Variants in C8orf34 observed in about 807,000 individuals in gnomAD.
The protein encoded by C8orf34 is uncharacterized protein C8orf34.
In C8orf34, 65 loss-of-function variants were observed where a neutral mutation model predicts 68.3. That is an observed-to-expected ratio of 0.95 (90% CI 0.78 to 1.17). The LOEUF is 1.17. C8orf34 is among the 50% of genes most tolerant of loss of function. The pLI is 0.00. For missense variants in C8orf34, 664 were observed against 655.4 expected (o/e 1.01, Z -0.14); for synonymous variants, 244 against 241.2 (o/e 1.01, Z -0.11).
At chr8:68,393,933 G>T (rs1404879985) in intron 1 of C8orf34, among the ~76,000 whole-genome samples, 3 of 152,042 alleles carry the variant, frequency 2.0e-5, no homozygotes, top group Non-Finnish European at 2.9e-5. Context: ...CTGAGACCAG[G>T]GAGTGAAAAC....
intron 10 of C8orf34, among the ~76,000 whole-genome samples, chr8:68,735,635 AC>A (rs1822102128): frequency 6.6e-6 from 1 of 152,182 alleles, no homozygotes. Context: ...CACAGTTATA[AC>A]TTTTTATACT....
At chr8:68,630,612 T>C (rs549851902) in intron 7 of C8orf34, among the ~76,000 whole-genome samples, 1 of 152,278 alleles carries the variant, frequency 6.6e-6, no homozygotes, top group African/African-American at 2.4e-5. Flanking sequence ...TATTAATTCA[T>C]TCACTGAATA....
chr8:68,508,309 A>C (rs1435238805), intron 5 of C8orf34, among the ~76,000 whole-genome samples: 5 of 152,178 alleles, frequency 3.3e-5, no homozygotes, highest in Non-Finnish European at 7.4e-5. Context: ...TGACCATTTT[A>C]CCAAACACTT....
chr8:68,398,371 T>C (rs1808806061), intron 1 of C8orf34, among the ~76,000 whole-genome samples: 1 of 152,164 alleles, frequency 6.6e-6, no homozygotes, highest in African/African-American at 2.4e-5. Context: ...ATCCCACTTT[T>C]ATTAAATATA....
intron 8 of C8orf34, among the ~76,000 whole-genome samples, chr8:68,643,059 G>A (rs557527382): frequency 2.6e-4 from 39 of 152,252 alleles, no homozygotes; most frequent in African/African-American, 8.4e-4. Context: ...GACCAGTACC[G>A]GTTCATGGCC....
intron 9 of C8orf34, among the ~76,000 whole-genome samples, chr8:68,713,697 A>G (rs1821389790): frequency 1.3e-5 from 2 of 152,184 alleles, no homozygotes; most frequent in African/African-American, 4.8e-5. Context: ...TAGGGGCCAG[A>G]TGAATCCACA....
chr8:68,451,971 G>A (rs2129627580), intron 3 of C8orf34, among the ~76,000 whole-genome samples: 1 of 152,082 alleles, frequency 6.6e-6, no homozygotes, highest in South Asian at 2.1e-4. Context: ...AAATCACAAT[G>A]TATGACCTTT....
At chr8:68,771,244 A>G (rs1823326935) in intron 10 of C8orf34, among the ~76,000 whole-genome samples, 1 of 152,178 alleles carries the variant, frequency 6.6e-6, no homozygotes, top group Non-Finnish European at 1.5e-5. Flanking sequence ...TTAATTGGGG[A>G]TAAATCACTG....
In C8orf34 at chr8:68,817,881, A is replaced by C. The variant is rs982085105; in HGVS notation, c.1610-358A>C. On this transcript the variant is annotated intron_variant, in intron 13 of 13. Transcript: ENST00000518698. ...GGGAGGAACCCCTTATAAAACCATC[A>C]GATCTTGTGAGACCTCACTATCCTG... 7.9e-5 allele frequency among the ~76,000 whole-genome samples: 12 copies of C among 152,264 alleles called. No individual in the cohort carries two copies. In the South Asian group the frequency reaches 2.5e-3, roughly 32 times the overall value.
At chr8:68,582,599 A>T (rs982217967) in intron 7 of C8orf34, among the ~76,000 whole-genome samples, 1 of 152,032 alleles carries the variant, frequency 6.6e-6, no homozygotes, top group Admixed American at 6.6e-5. Context: ...GGTCAGAGTG[A>T]CCTTGGTTCT....
intron 3 of C8orf34, among the ~76,000 whole-genome samples, chr8:68,462,487 C>T (rs1335338607): frequency 1.3e-5 from 2 of 151,544 alleles, no homozygotes; most frequent in South Asian, 2.1e-4. Flanking sequence ...ACAGAATATA[C>T]ATTTTTTTCA....
In C8orf34 at chr8:68,437,607, A is replaced by G. The variant is rs984346326; in HGVS notation, c.328-1892A>G. 5.9e-5 allele frequency among the ~76,000 whole-genome samples: 9 copies of G among 152,312 alleles called. No individual in the cohort carries two copies. The East Asian group carries it at 1.2e-3, about 20-fold the overall frequency. On this transcript the variant is annotated intron_variant, in intron 1 of 13. Transcript: ENST00000518698. ...TAACTGAACTCTACATTACTTTACA[A>G]TTACCTTCACAACAGTAGCAGATGG...
chr8:68,546,021 A>G (rs1169232788), intron 7 of C8orf34, among the ~76,000 whole-genome samples: 2 of 152,092 alleles, frequency 1.3e-5, no homozygotes, highest in Non-Finnish European at 2.9e-5. Context: ...AGTAGAACAT[A>G]ATAAATTGGG....
At chr8:68,460,810 G>C (rs1384149678) in intron 3 of C8orf34, among the ~76,000 whole-genome samples, 5 of 151,560 alleles carry the variant, frequency 3.3e-5, no homozygotes, top group African/African-American at 1.2e-4. Flanking sequence ...CATCATCAAA[G>C]ACCAAAAGTA....
chr8:68,810,340 A>C (rs1463807852), intron 12 of C8orf34, among the ~76,000 whole-genome samples: 1 of 152,156 alleles, frequency 6.6e-6, no homozygotes, highest in Non-Finnish European at 1.5e-5. Flanking sequence ...CGGCTGGACT[A>C]GGCATACTGC....
chr8:68,358,445 A>G (rs1396034323), intron 1 of C8orf34, among the ~76,000 whole-genome samples: 1 of 151,504 alleles, frequency 6.6e-6, no homozygotes, highest in Non-Finnish European at 1.5e-5. Flanking sequence ...AGACCCGCAC[A>G]GATGACTCAA....
intron 9 of C8orf34, among the ~76,000 whole-genome samples, chr8:68,714,744 C>G (rs1367308544): frequency 6.6e-6 from 1 of 152,006 alleles, no homozygotes; most frequent in African/African-American, 2.4e-5. Flanking sequence ...AAAATATCAC[C>G]ATCATTCTTC....
intron 8 of C8orf34, among the ~76,000 whole-genome samples, chr8:68,707,339 G>A (rs143354553): frequency 1.4e-3 from 206 of 152,222 alleles, no homozygotes; most frequent in African/African-American, 4.7e-3. Flanking sequence ...AATTTGTTGC[G>A]TTTTTAATCC....
Position 68,331,204 on chromosome 8 carries a change from T to C in C8orf34, c.192T>C (p.Val64=), listed in dbSNP as rs1374202431. 1.3e-6 allele frequency: 2 copies of C among 1,535,160 alleles called. No homozygotes were observed. The highest frequency in any genetic ancestry group is 2.7e-5 in the African/African-American group (2 of 72,908). ...CPGPSPGKRR[V]VPSGGAQPRV... is the part of the protein sequence containing the mutation. ...GCCCCAGTCCGGGTAAAAGGAGGGT[T>C]GTCCCCAGCGGAGGCGCACAGCCGC... is the stretch of plus-strand genomic sequence containing the variant. The change falls in exon 1 of 14, where the codon GTT becomes GTC. Residue 64 remains valine, a synonymous_variant. Transcript: ENST00000518698.
Sources: gnomAD v4.1 joint callset for allele counts (sites outside exome capture counted in the v4.1 genomes callset) on GRCh38, gnomAD v4.1.1 for gene constraint, MANE v1.5 for transcripts, NCBI Gene and HGNC (gene_info 2026-07-23, HGNC 2026-07-21) for gene names.